Variants in ZNF215 observed in about 807,000 individuals in gnomAD.
ZNF215 encodes the protein BWSCR2-associated zinc finger protein 2.
ZNF215 carries 24 observed loss-of-function variants against 27.2 expected under a neutral mutation model. That is an observed-to-expected ratio of 0.88 (90% CI 0.64 to 1.24). The LOEUF is 1.24. ZNF215 is among the 50% of genes most tolerant of loss of function. ZNF215 has a pLI of 0.00. For missense variants in ZNF215, 675 were observed against 605.7 expected (o/e 1.11, Z -1.20); for synonymous variants, 210 against 204.0 (o/e 1.03, Z -0.25).
chr11:6,953,083 A>G (rs1027139716), intron 6 of ZNF215, among the ~76,000 whole-genome samples: 35 of 152,132 alleles, frequency 2.3e-4, no homozygotes, highest in African/African-American at 8.4e-4. Context: ...TCTGGCTTGT[A>G]GAGTTTCTGC....
At chr11:6,982,731 C>T (rs1208320519) in intron 5 of ZNF215, among the ~76,000 whole-genome samples, 3 of 151,654 alleles carry the variant, frequency 2.0e-5, no homozygotes, top group Non-Finnish European at 4.4e-5. Context: ...CACAACATAC[C>T]AGAATCTCTG....
In ZNF215 at chr11:6,955,938, A is replaced by T. The variant is rs1209999596; in HGVS notation, c.961A>T (p.Ile321Leu). 15 of 1,613,172 alleles carry T rather than the reference A, an allele frequency of 9.3e-6. No homozygotes were observed. The highest frequency in any genetic ancestry group is 1.1e-5 in the Non-Finnish European group (13 of 1,179,770). ...TAATTCAGTTAGCTCAATTTGTGCT[A>T]TACAAGTGGGAATTCCTTCAAGAAA... ...DINSVSSICA[I>L]QVGIPSRKGS... Residue 321 changes from isoleucine (I) to leucine (L), a missense_variant, in exon 7 of 7, where the codon ATA becomes TTA. Ile to Leu is a conservative substitution (Grantham distance 5). Coordinates refer to ENST00000278319, the MANE Select transcript of ZNF215 (RefSeq NM_013250.4).
chr11:6,968,420 T>G (rs1452314180), intron 5 of ZNF215, among the ~76,000 whole-genome samples: 1 of 152,206 alleles, frequency 6.6e-6, no homozygotes, highest in Non-Finnish European at 1.5e-5. Flanking sequence ...TCCATGAACT[T>G]GGAATATTTT....
intron 2 of ZNF215, among the ~76,000 whole-genome samples, chr11:6,928,285 C>T (rs1339196517): frequency 6.6e-6 from 1 of 152,142 alleles, no homozygotes; most frequent in Non-Finnish European, 1.5e-5. Context: ...TTTATATCCA[C>T]TATACTATTA....
chr11:6,983,519 G>GGCAAACCGAATCCA (rs1300773447), intron 5 of ZNF215, among the ~76,000 whole-genome samples: 5 of 152,008 alleles, frequency 3.3e-5, no homozygotes, highest in Non-Finnish European at 7.4e-5. Flanking sequence ...ATAAAATACT[G>GGCAAACCGAATCCA]GCAAACCGAA....
rs556037153 is a variant in ZNF215 at position 6,956,205 on chromosome 11, A to G, written c.1228A>G (p.Ser410Gly). Residue 410 changes from serine (S) to glycine (G), a missense_variant, in exon 7 of 7, where the codon AGT (serine) becomes GGT (glycine). Ser to Gly is a moderately conservative substitution (Grantham distance 56). Transcript: ENST00000278319. Reference sequence around the variant, plus strand: ...CACAGGAGAGAAACCCTATAAATGCAGTGAATGTGGGAGATTCTTCAACCG... The same window carrying G: ...CACAGGAGAGAAACCCTATAAATGCGGTGAATGTGGGAGATTCTTCAACCG... ...IHTGEKPYKCSECGRFFNRRT... is the reference protein window; with the variant it reads ...IHTGEKPYKCGECGRFFNRRT... The G allele has an allele frequency of 3.1e-6, 5 of 1,613,056 alleles. No homozygotes were observed. In the South Asian group the frequency reaches 4.4e-5, roughly 14 times the overall value.
At chr11:6,936,072 A>G (rs1326096931) in intron 3 of ZNF215, among the ~76,000 whole-genome samples, 2 of 152,266 alleles carry the variant, frequency 1.3e-5, no homozygotes, top group Non-Finnish European at 2.9e-5. Context: ...AAATGCCTAC[A>G]TTAAAAAGAT....
chr11:6,990,843 A>T (rs575798809), downstream of ZNF215, among the ~76,000 whole-genome samples: 14 of 152,366 alleles, frequency 9.2e-5, no homozygotes, highest in African/African-American at 2.9e-4. Flanking sequence ...ATATATTCAC[A>T]TTATAAAACC....
chr11:6,957,546 A>T lies in ZNF215; in HGVS notation c.*1015A>T, dbSNP rs943212908. On this transcript the variant is annotated 3_prime_UTR_variant, in exon 7 of 7. Coordinates refer to ENST00000278319, the MANE Select transcript of ZNF215 (RefSeq NM_013250.4). Reference sequence around the variant, plus strand: ...TCCGTCTTAAATGTGTATATAGCTCAGATTTATTTTAATGTCTGATATTGG... The same window carrying T: ...TCCGTCTTAAATGTGTATATAGCTCTGATTTATTTTAATGTCTGATATTGG... 6 of 162,328 alleles carry T rather than the reference A, an allele frequency of 3.7e-5. No individual in the cohort carries two copies. Among genetic ancestry groups the T allele is most frequent in the African/African-American group, 1.4e-4 (6 of 41,648 alleles). The allele number at this position is 162,328 out of a possible 1,614,324, so 10.1% of individuals were successfully genotyped here.
At chr11:6,941,698 T>C (rs761091006) in intron 4 of ZNF215, 45 bp downstream of exon 4, 2 of 1,588,850 alleles carry the variant, frequency 1.3e-6, no homozygotes, top group Non-Finnish European at 1.7e-6. Flanking sequence ...TGCTCATTTT[T>C]AGTATTACCT....
At position 6,956,427 on chromosome 11, in the gene ZNF215, C is replaced by T; in HGVS notation, c.1450C>T (p.His484Tyr). The T allele has an allele frequency of 2.5e-6, 4 of 1,614,154 alleles. No homozygotes were observed. The highest frequency in any genetic ancestry group is 2.5e-6 in the Non-Finnish European group (3 of 1,180,030). ...CTCTCTTATTCGACACCAAATGATT[C>T]ACACGGGAGAGAAACCATTCAAATG... ...SSSLIRHQMI[H>Y]TGEKPFKCKE... Residue 484 changes from histidine to tyrosine, a missense_variant, in exon 7 of 7, where the codon CAC becomes TAC. Physicochemically the swap from His to Tyr is moderately conservative, Grantham distance 83. Transcript: ENST00000278319.
At chr11:6,971,998 T>C (rs1049680812) in intron 5 of ZNF215, among the ~76,000 whole-genome samples, 2 of 152,164 alleles carry the variant, frequency 1.3e-5, no homozygotes, top group Non-Finnish European at 2.9e-5. Context: ...TTTTGCCAAG[T>C]CTATTTACTA....
At chr11:6,993,779 C>T (rs1564983085), downstream of ZNF215, among the ~76,000 whole-genome samples, 1 of 152,188 alleles carries the variant, frequency 6.6e-6, no homozygotes, top group African/African-American at 2.4e-5. Flanking sequence ...TTCACCTACT[C>T]ACTACAATTT....
intron 3 of ZNF215, among the ~76,000 whole-genome samples, chr11:6,938,626 A>C (rs1435635537): frequency 6.6e-6 from 1 of 152,218 alleles, no homozygotes; most frequent in Non-Finnish European, 1.5e-5. Context: ...ATGGACCTCC[A>C]AAACATGCTA....
intron 5 of ZNF215, among the ~76,000 whole-genome samples, chr11:6,974,731 C>T (rs1298831184): frequency 4.6e-5 from 7 of 150,792 alleles, no homozygotes; most frequent in African/African-American, 1.2e-4. Context: ...GTGATTTTTG[C>T]ACATTGATTT....
chr11:6,953,131 T>A (rs1167332028), intron 6 of ZNF215, among the ~76,000 whole-genome samples: 6 of 152,188 alleles, frequency 3.9e-5, no homozygotes, highest in Non-Finnish European at 5.9e-5. Flanking sequence ...CTTCCCTTTG[T>A]GGGTAACCCG....
rs1233105746 is a variant in ZNF215, at chr11:6,956,458, A to C, written c.1481A>C (p.Glu494Ala). 14 of 1,614,030 alleles carry C rather than the reference A, an allele frequency of 8.7e-6. No individual in the cohort carries two copies. Among genetic ancestry groups the C allele is most frequent in the Non-Finnish European group, 1.2e-5 (14 of 1,180,024 alleles). The change falls in exon 7 of 7, where the codon GAA becomes GCA. Residue 494 changes from glutamate to alanine, a missense_variant. Glu to Ala is a moderately radical substitution (Grantham distance 107). Coordinates refer to ENST00000278319, the MANE Select transcript of ZNF215 (RefSeq NM_013250.4). The stretch of plus-strand genomic sequence containing the variant: ...GGAGAGAAACCATTCAAATGTAAGG[A>C]ATGTAGTAAAGCCTTCAACAGGAGT... ...HTGEKPFKCK[E>A]CSKAFNRSSN...
At chr11:6,983,852 A>G (rs1320218977) in intron 5 of ZNF215, among the ~76,000 whole-genome samples, 1 of 152,016 alleles carries the variant, frequency 6.6e-6, no homozygotes, top group East Asian at 1.9e-4. Context: ...AAATCTGGCA[A>G]AGAATATAAT....
chr11:6,981,714 G>T (rs1377401352), intron 5 of ZNF215, among the ~76,000 whole-genome samples: 1 of 152,240 alleles, frequency 6.6e-6, no homozygotes, highest in Non-Finnish European at 1.5e-5. Context: ...TAATGCCTAG[G>T]TTTTCTTCAG....
Sources: gnomAD v4.1 joint callset for allele counts (sites outside exome capture counted in the v4.1 genomes callset) on GRCh38, gnomAD v4.1.1 for gene constraint, MANE v1.5 for transcripts, NCBI Gene and HGNC (gene_info 2026-07-23, HGNC 2026-07-21) for gene names.